CDH13: variants seen among roughly 807,000 people sequenced by gnomAD.
CDH13 encodes cadherin 13, also known as cadherin-13.
A neutral mutation model predicts 63.8 loss-of-function variants in CDH13; 24 were observed. The ratio of observed to expected loss-of-function variants is 0.38; its 90% CI spans 0.27 to 0.53. The LOEUF is 0.53. Among genes scored for constraint, CDH13 ranks in the 20% least tolerant of loss-of-function variants. CDH13 has a pLI of 0.85. For missense variants in CDH13, 1,049 were observed against 903.1 expected, an observed-to-expected ratio of 1.16 and a Z score of -2.07; for synonymous variants, 503 against 355.3, an observed-to-expected ratio of 1.42 and a Z score of -4.67.
intron 10 of CDH13, among the ~76,000 whole-genome samples, chr16:83,684,247 A>G (rs1449205575): frequency 6.6e-6 from 1 of 152,086 alleles, no homozygotes; most frequent in East Asian, 1.9e-4. Context: ...TACCCCTGTA[A>G]TCCCAGGTAC....
intron 2 of CDH13, among the ~76,000 whole-genome samples, chr16:83,015,198 C>T (rs1055904744): frequency 6.6e-6 from 1 of 151,752 alleles, no homozygotes; most frequent in Non-Finnish European, 1.5e-5. Context: ...CAGGCTGCAT[C>T]TCCTATTTCA....
intron 7 of CDH13, among the ~76,000 whole-genome samples, chr16:83,493,634 G>C (rs780495090): frequency 6.6e-6 from 1 of 152,206 alleles, no homozygotes. Context: ...CCAGAGATGA[G>C]GCTGTGGTAT....
chr16:83,319,216 C>A (rs1019692397), intron 5 of CDH13, among the ~76,000 whole-genome samples: 1 of 152,102 alleles, frequency 6.6e-6, no homozygotes, highest in Non-Finnish European at 1.5e-5. Context: ...TCATGTTTAC[C>A]TACTAATGTA....
chr16:82,732,345 A>T (rs2033447883), intron 1 of CDH13, among the ~76,000 whole-genome samples: 1 of 152,206 alleles, frequency 6.6e-6, no homozygotes, highest in Admixed American at 6.5e-5. Flanking sequence ...TAATTCAGCA[A>T]GTTAGTTAAG....
At chr16:82,807,309 T>A (rs1314815562) in intron 1 of CDH13, among the ~76,000 whole-genome samples, 5 of 152,198 alleles carry the variant, frequency 3.3e-5, no homozygotes, top group African/African-American at 1.2e-4. Context: ...GTTGAAATTT[T>A]ATCGTTGTTT....
intron 2 of CDH13, among the ~76,000 whole-genome samples, chr16:83,030,941 T>C (rs771757375): frequency 7.2e-5 from 11 of 151,892 alleles, no homozygotes; most frequent in African/African-American, 1.7e-4. Context: ...GACTATTCCA[T>C]ATGGACTGAG....
At chr16:83,654,233 CA>C (rs1879246242) in intron 8 of CDH13, among the ~76,000 whole-genome samples, 1 of 150,352 alleles carries the variant, frequency 6.7e-6, no homozygotes, top group Non-Finnish European at 1.5e-5. Context: ...GCAGTTTTTG[CA>C]ATTAAAAATG....
intron 8 of CDH13, among the ~76,000 whole-genome samples, chr16:83,655,797 G>A (rs897186186): frequency 5.3e-5 from 8 of 152,302 alleles, no homozygotes; most frequent in Middle Eastern, 3.4e-3. Context: ...AATGAATCAT[G>A]TTTAAATTTG....
At chr16:82,954,023 C>T (rs773516177) in intron 2 of CDH13, 5 of 151,982 alleles carry the variant, frequency 3.3e-5, no homozygotes, top group African/African-American at 4.8e-5. Flanking sequence ...TTTATGGGCT[C>T]AGATAGTTTA....
At chr16:82,732,808 C>G (rs780653987) in intron 1 of CDH13, among the ~76,000 whole-genome samples, 1 of 152,012 alleles carries the variant, frequency 6.6e-6, no homozygotes, top group Non-Finnish European at 1.5e-5. Flanking sequence ...CTTTGGATTT[C>G]TGGTTTCATC....
chr16:83,718,179 C>G (rs1909202501), intron 10 of CDH13, among the ~76,000 whole-genome samples: 1 of 152,192 alleles, frequency 6.6e-6, no homozygotes, highest in African/African-American at 2.4e-5. Flanking sequence ...ACACAGCCCA[C>G]ACACTCTGCA....
rs375538547 is a variant in CDH13, at chr16:83,125,449, C to T, written c.431C>T (p.Pro144Leu). The stretch of plus-strand genomic sequence containing the variant: ...CAAAAGAGGTCCATTGTGGTATCTC[C>T]CATTTTAATTCCAGAGAATCAGAGA... ...PRQKRSIVVS[P>L]ILIPENQRQP... The change falls in exon 4 of 14, where the codon CCC becomes CTC. Residue 144 changes from proline to leucine, a missense_variant. Coordinates refer to ENST00000567109, the MANE Select transcript of CDH13 (RefSeq NM_001257.5). The T allele has an allele frequency of 5.0e-6, 8 of 1,612,276 alleles. No individual in the cohort carries two copies. Among genetic ancestry groups the T allele is most frequent in the Non-Finnish European group, 6.8e-6 (8 of 1,178,574 alleles).
At chr16:82,846,822 A>G (rs1441658393) in intron 1 of CDH13, among the ~76,000 whole-genome samples, 1 of 152,234 alleles carries the variant, frequency 6.6e-6, no homozygotes. Context: ...AATGAACCTG[A>G]TGATGCTGTC....
intron 4 of CDH13, among the ~76,000 whole-genome samples, chr16:83,137,886 A>AG (rs763657276): frequency 1.3e-5 from 2 of 151,254 alleles, no homozygotes; most frequent in African/African-American, 2.4e-5. Flanking sequence ...TTTTTTTAAG[A>AG]GGGGAGGAAT....
At chr16:83,232,552 AC>A (rs796710854) in intron 5 of CDH13, among the ~76,000 whole-genome samples, 71 of 99,472 alleles carry the variant, frequency 7.1e-4, no homozygotes, top group African/African-American at 1.5e-3. Context: ...CAACAAACAA[AC>A]AAAAAAAAAA....
chr16:82,977,726 G>A (rs890176880), intron 2 of CDH13, among the ~76,000 whole-genome samples: 1 of 152,188 alleles, frequency 6.6e-6, no homozygotes, highest in African/African-American at 2.4e-5. Flanking sequence ...TTCTGAGGGA[G>A]CAGGGTGCTG....
intron 3 of CDH13, among the ~76,000 whole-genome samples, chr16:83,086,986 C>T (rs2033633484): frequency 6.6e-6 from 1 of 152,176 alleles, no homozygotes; most frequent in African/African-American, 2.4e-5. Flanking sequence ...AAAAAGACTT[C>T]CTGTCAAAAA....
At chr16:83,570,023 C>G (rs1331423292) in intron 7 of CDH13, among the ~76,000 whole-genome samples, 1 of 152,162 alleles carries the variant, frequency 6.6e-6, no homozygotes, top group South Asian at 2.1e-4. Context: ...GAGTGAGCCA[C>G]CGTGCCCAGC....
At chr16:83,241,538 GT>G (rs1567532492) in intron 5 of CDH13, among the ~76,000 whole-genome samples, 2 of 152,274 alleles carry the variant, frequency 1.3e-5, no homozygotes, top group Non-Finnish European at 2.9e-5. Flanking sequence ...GCTTTGTGCA[GT>G]GACACCTCAT....
Sources: gnomAD v4.1 joint callset for allele counts (sites outside exome capture counted in the v4.1 genomes callset) on GRCh38, gnomAD v4.1.1 for gene constraint, MANE v1.5 for transcripts, NCBI Gene and HGNC (gene_info 2026-07-23, HGNC 2026-07-21) for gene names.